Variants in MINDY4 observed in about 807,000 individuals in gnomAD.
MINDY4 encodes probable ubiquitin carboxyl-terminal hydrolase MINDY-4.
In MINDY4, 68 loss-of-function variants were observed where a neutral mutation model predicts 87.0. That is an observed-to-expected ratio of 0.78 (90% confidence interval 0.64 to 0.96). The LOEUF is 0.96. MINDY4 is among the 40% of genes least tolerant of loss of function. The pLI, the probability that MINDY4 is intolerant of heterozygous loss-of-function variation, is 0.00. For missense variants in MINDY4, 919 were observed against 928.2 expected, an observed-to-expected ratio of 0.99 and a Z score of 0.13; for synonymous variants, 379 against 363.2, an observed-to-expected ratio of 1.04 and a Z score of -0.50.
At chr7:30,864,278 CAA>C (rs1007060650) in intron 13 of MINDY4, among the ~76,000 whole-genome samples, 2 of 152,204 alleles carry the variant, frequency 1.3e-5, no homozygotes, top group African/African-American at 2.4e-5. Context: ...TAACTCTCCT[CAA>C]GAGATTAAAA....
chr7:30,861,636 A>G (rs920070833), intron 13 of MINDY4, among the ~76,000 whole-genome samples: 1 of 152,204 alleles, frequency 6.6e-6, no homozygotes, highest in Admixed American at 6.5e-5. Flanking sequence ...CTAAAGTGGG[A>G]GTGGGAATTC....
At chr7:30,877,406 C>G (rs1312474693) in intron 15 of MINDY4, among the ~76,000 whole-genome samples, 1 of 152,130 alleles carries the variant, frequency 6.6e-6, no homozygotes, top group African/African-American at 2.4e-5. Context: ...AAATTCAGGC[C>G]CTACAACCAT....
At chr7:30,889,597 T>C (rs2128583979) in intron 17 of MINDY4, among the ~76,000 whole-genome samples, 1 of 152,358 alleles carries the variant, frequency 6.6e-6, no homozygotes, top group South Asian at 2.1e-4. Context: ...AACGCTCTGA[T>C]ATGGATAAAT....
chr7:30,849,087 C>A (rs1789317874), intron 9 of MINDY4, among the ~76,000 whole-genome samples: 1 of 152,198 alleles, frequency 6.6e-6, no homozygotes, highest in African/African-American at 2.4e-5. Flanking sequence ...TGGACCACAG[C>A]AGCCTAGGTG....
intron 15 of MINDY4, among the ~76,000 whole-genome samples, chr7:30,876,480 G>A (rs1790262363): frequency 6.6e-6 from 1 of 152,144 alleles, no homozygotes; most frequent in South Asian, 2.1e-4. Flanking sequence ...CCTGTTTGTT[G>A]GCATGTGGTC....
intron 14 of MINDY4, 74 bp from the exon 15 acceptor site, chr7:30,875,421 T>G (rs1790227839): frequency 2.6e-6 from 4 of 1,535,942 alleles, no homozygotes; most frequent in Non-Finnish European, 2.7e-6. Context: ...TTTTTGTCTT[T>G]CCCCAGTCTC....
chr7:30,861,484 G>A (rs1171634121), intron 13 of MINDY4, among the ~76,000 whole-genome samples: 1 of 152,242 alleles, frequency 6.6e-6, no homozygotes, highest in East Asian at 1.9e-4. Context: ...AAGTAAAACT[G>A]GTGGCCTTGG....
chr7:30,835,593 C>T (rs1479524187), intron 6 of MINDY4, among the ~76,000 whole-genome samples: 1 of 152,202 alleles, frequency 6.6e-6, no homozygotes, highest in Non-Finnish European at 1.5e-5. Context: ...TCCCCTTGTG[C>T]TGTGGCTGGG....
intron 13 of MINDY4, among the ~76,000 whole-genome samples, chr7:30,863,059 C>G (rs1358717603): frequency 6.6e-6 from 1 of 152,112 alleles, no homozygotes; most frequent in Non-Finnish European, 1.5e-5. Context: ...CTGAGACCCC[C>G]CTTTGGAGAA....
At chr7:30,776,431 A>T (rs1445155711) in intron 1 of MINDY4, among the ~76,000 whole-genome samples, 1 of 152,114 alleles carries the variant, frequency 6.6e-6, no homozygotes. Flanking sequence ...ACCACCTTTG[A>T]TAAAGTAGCA....
At chr7:30,842,860 C>G (rs1367504519) in intron 9 of MINDY4, among the ~76,000 whole-genome samples, 4 of 152,192 alleles carry the variant, frequency 2.6e-5, no homozygotes, top group African/African-American at 9.7e-5. Flanking sequence ...TTCCTGAGCC[C>G]TCAGGCTCTG....
At chr7:30,816,853 C>T (rs934901030) in intron 5 of MINDY4, among the ~76,000 whole-genome samples, 10 of 152,198 alleles carry the variant, frequency 6.6e-5, no homozygotes, top group African/African-American at 2.4e-4. Context: ...AGGTTTTCCA[C>T]ATCCTTAAGA....
chr7:30,887,852 G>A (rs1465744434), intron 17 of MINDY4, among the ~76,000 whole-genome samples: 1 of 152,264 alleles, frequency 6.6e-6, no homozygotes, highest in East Asian at 1.9e-4. Flanking sequence ...ATGGCGGACT[G>A]GGCAGGGCCC....
intron 17 of MINDY4, among the ~76,000 whole-genome samples, chr7:30,887,047 C>T (rs899729620): frequency 1.3e-5 from 2 of 152,142 alleles, no homozygotes; most frequent in African/African-American, 2.4e-5. Flanking sequence ...TGTTTCTGTT[C>T]GGAGGTGCAG....
intron 10 of MINDY4, among the ~76,000 whole-genome samples, chr7:30,851,725 G>A (rs1381825381): frequency 6.6e-6 from 1 of 152,184 alleles, no homozygotes; most frequent in Admixed American, 6.5e-5. Context: ...GCTGGTCCAA[G>A]GCTACACAGC....
chr7:30,846,196 A>G (rs968260166), intron 9 of MINDY4, among the ~76,000 whole-genome samples: 1 of 151,922 alleles, frequency 6.6e-6, no homozygotes, highest in African/African-American at 2.4e-5. Context: ...CAGCCTTTCT[A>G]CCCCCTATTG....
At position 30,791,558 on chromosome 7, in the gene MINDY4, C is replaced by T. The variant is rs1787323598; in HGVS notation, c.1057C>T (p.Gln353Ter). 6.2e-7 allele frequency: 1 copy of T among 1,611,662 alleles called. No homozygotes were observed. The highest frequency in any genetic ancestry group is 1.3e-5 in the African/African-American group (1 of 74,900). ...LERAFKRQGS[Q>*]PAPVRKNQLL... Reference sequence around the variant, plus strand: ...AAGAGCGTTCAAACGGCAGGGCAGCCAGCCCGCACCTGTCAGGTGAGTGTG... The same window carrying T: ...AAGAGCGTTCAAACGGCAGGGCAGCTAGCCCGCACCTGTCAGGTGAGTGTG... Residue 353 changes from glutamine to a stop codon, truncating the protein, a stop_gained, in exon 5 of 18, where the codon CAG becomes TAG. Transcript: ENST00000265299. LOFTEE classifies it high-confidence loss of function.
At chr7:30,778,286 ATAT>A (rs1786888893) in intron 1 of MINDY4, 143 bp from the exon 2 acceptor site, 2 of 1,065,882 alleles carry the variant, frequency 1.9e-6, no homozygotes, top group African/African-American at 3.2e-5. Context: ...AATCAGAATA[ATAT>A]TAATTATTGC....
At chr7:30,888,491 G>C (rs1790700895) in intron 17 of MINDY4, among the ~76,000 whole-genome samples, 1 of 152,188 alleles carries the variant, frequency 6.6e-6, no homozygotes. Context: ...ACTGATGAAT[G>C]AGTCTGGAAC....
Sources: allele counts gnomAD v4.1 joint callset (sites outside exome capture counted in the v4.1 genomes callset), GRCh38; gene constraint gnomAD v4.1.1; transcripts MANE v1.5; gene names NCBI Gene and HGNC (gene_info 2026-07-23, HGNC 2026-07-21).